The following NUP210L variants were observed in gnomAD, a reference collection of about 807,000 sequenced individuals.
NUP210L encodes the protein nucleoporin 210 like.
A neutral mutation model predicts 208.5 loss-of-function variants in NUP210L; 74 were observed. The observed-to-expected ratio is 0.35, with a 90% CI of 0.29 to 0.43. NUP210L has a LOEUF of 0.43. NUP210L is among the 20% of genes least tolerant of loss of function. NUP210L has a pLI of 1.00. For synonymous variants in NUP210L, 780 were observed against 816.9 expected, an observed-to-expected ratio of 0.95 and a Z score of 0.77; for missense variants, 1,843 against 2,289.4, an observed-to-expected ratio of 0.81 and a Z score of 3.98.
chr1:154,022,349 A>C lies in NUP210L; in HGVS notation c.4299-6T>G, dbSNP rs754016883. On this transcript the variant is annotated splice_region_variant and splice_polypyrimidine_tract_variant and intron_variant, in intron 31 of 39. Transcript: ENST00000368559. ...CAATATGCAGCAAGTCATCTCTGCAAGTAGACATTAAAGGTAGAAATCTTT... is the reference window on the plus strand; with the variant it reads ...CAATATGCAGCAAGTCATCTCTGCACGTAGACATTAAAGGTAGAAATCTTT... 2 of 1,606,156 alleles carry C rather than the reference A, an allele frequency of 1.2e-6. No individual in the cohort carries two copies. The highest frequency in any genetic ancestry group is 2.2e-5 in the South Asian group (2 of 90,906).
At chr1:154,135,594 A>T (rs1369809480) in intron 7 of NUP210L, among the ~76,000 whole-genome samples, 1 of 151,712 alleles carries the variant, frequency 6.6e-6, no homozygotes, top group Non-Finnish European at 1.5e-5. Context: ...GCTAATTTTT[A>T]GTATTTTTAG....
intron 20 of NUP210L, among the ~76,000 whole-genome samples, chr1:154,058,931 A>C (rs1176185529): frequency 6.6e-6 from 1 of 152,210 alleles, no homozygotes; most frequent in African/African-American, 2.4e-5. Flanking sequence ...GCTCACGCCT[A>C]TAATCCCAGC....
chr1:154,125,740 AGGG>A (rs1657907632), intron 10 of NUP210L, among the ~76,000 whole-genome samples: 6 of 13,402 alleles, frequency 4.5e-4, no homozygotes, highest in African/African-American at 9.7e-4. Flanking sequence ...GAAGGAAGGG[AGGG>A]AGGGAAATGT....
At chr1:154,129,531 G>A (rs1322006549) in intron 7 of NUP210L, among the ~76,000 whole-genome samples, 186 bp from the exon 8 acceptor site, 1 of 152,172 alleles carries the variant, frequency 6.6e-6, no homozygotes, top group African/African-American at 2.4e-5. Flanking sequence ...GGGACTCTTA[G>A]TCATCTTATG....
intron 13 of NUP210L, among the ~76,000 whole-genome samples, chr1:154,101,573 T>C (rs1656471866): frequency 6.6e-6 from 1 of 152,178 alleles, no homozygotes; most frequent in Admixed American, 6.5e-5. Flanking sequence ...GAGAGACATA[T>C]ATAAGACAAC....
intron 27 of NUP210L, among the ~76,000 whole-genome samples, chr1:154,031,823 G>C (rs1200616038): frequency 6.6e-6 from 1 of 151,670 alleles, no homozygotes; most frequent in East Asian, 1.9e-4. Flanking sequence ...CAGGGCTCAA[G>C]TGTTTCTCCT....
At position 154,126,481 on chromosome 1, in the gene NUP210L, A is replaced by G; in HGVS notation, c.1186-18T>C. On this transcript the variant is annotated intron_variant, in intron 9 of 39. Transcript: ENST00000368559. ...CTGAGATTCTGAAAATCAGCCCCACAGTAACACAAACCTGAAGATATGTTC... is the reference window on the plus strand; with the variant it reads ...CTGAGATTCTGAAAATCAGCCCCACGGTAACACAAACCTGAAGATATGTTC... The G allele has an allele frequency of 1.9e-6, 3 of 1,601,122 alleles. No individual in the cohort carries two copies. Among genetic ancestry groups the G allele is most frequent in the Non-Finnish European group, 1.7e-6 (2 of 1,174,560 alleles).
chr1:154,136,165 G>A (rs1005847171), intron 6 of NUP210L, among the ~76,000 whole-genome samples, 193 bp from the exon 7 acceptor site: 4 of 152,158 alleles, frequency 2.6e-5, no homozygotes, highest in Non-Finnish European at 5.9e-5. Context: ...AAAATATATT[G>A]CTGGAGGCTG....
intron 35 of NUP210L, among the ~76,000 whole-genome samples, chr1:154,006,967 T>TA (rs57242105): frequency 0.053 from 4,976 of 94,294 alleles, 217 homozygotes; most frequent in East Asian, 0.16. Context: ...TATATATATA[T>TA]TTTTTTTTTT....
chr1:154,013,553 G>A (rs373758816), intron 33 of NUP210L, among the ~76,000 whole-genome samples: 3 of 151,750 alleles, frequency 2.0e-5, no homozygotes, highest in Non-Finnish European at 1.5e-5. Context: ...CAGCCTGGGC[G>A]ACAGAGTGAG....
At chr1:154,052,668 C>T (rs1160509208) in intron 25 of NUP210L, among the ~76,000 whole-genome samples, 1 of 152,230 alleles carries the variant, frequency 6.6e-6, no homozygotes, top group South Asian at 2.1e-4. Flanking sequence ...CACATGCTTT[C>T]TGATCTCAGT....
exon 40 of NUP210L, chr1:153,992,808 G>A (rs950688337): frequency 1.7e-5 from 26 of 1,486,718 alleles, no homozygotes; most frequent in Non-Finnish European, 2.4e-5. Context: ...TTCCCCTGCA[G>A]TTAAGAGAAA....
chr1:153,996,773 C>A (rs986529108), intron 37 of NUP210L, among the ~76,000 whole-genome samples: 1 of 151,890 alleles, frequency 6.6e-6, no homozygotes, highest in Admixed American at 6.6e-5. Flanking sequence ...GTACCTTTGT[C>A]CTACTCAGGA....
intron 12 of NUP210L, chr1:154,104,658 T>C (rs996216315): frequency 3.3e-5 from 5 of 152,658 alleles, no homozygotes; most frequent in African/African-American, 1.2e-4. Flanking sequence ...TCAGTGCCTG[T>C]GGAAGGAGCA....
intron 27 of NUP210L, among the ~76,000 whole-genome samples, chr1:154,030,990 C>A (rs1051054774): frequency 1.3e-5 from 2 of 152,208 alleles, no homozygotes; most frequent in African/African-American, 4.8e-5. Flanking sequence ...TCAAGTGATC[C>A]TCCTGCCTCA....
chr1:154,071,739 G>A (rs140618754), intron 16 of NUP210L, among the ~76,000 whole-genome samples: 2,663 of 147,446 alleles, frequency 0.018, 30 homozygotes, highest in Non-Finnish European at 0.027. Context: ...GGGTTCAAGC[G>A]ATTCCCCTGC....
At chr1:154,037,282 T>A (rs1652609109) in intron 27 of NUP210L, among the ~76,000 whole-genome samples, 1 of 152,168 alleles carries the variant, frequency 6.6e-6, no homozygotes, top group Non-Finnish European at 1.5e-5. Context: ...GAAAGTGGGT[T>A]ATTGAAGTCT....
intron 8 of NUP210L, among the ~76,000 whole-genome samples, chr1:154,127,842 A>C (rs976990178): frequency 6.6e-6 from 1 of 150,968 alleles, no homozygotes; most frequent in African/African-American, 2.4e-5. Context: ...GGCCTGAGCC[A>C]CTGTGCCTGG....
At chr1:154,005,150 C>T (rs1338090844) in intron 35 of NUP210L, among the ~76,000 whole-genome samples, 1 of 151,298 alleles carries the variant, frequency 6.6e-6, no homozygotes, top group Admixed American at 6.6e-5. Flanking sequence ...CGTGCCCGGC[C>T]TCCTCTTTTC....
Sources: allele counts gnomAD v4.1 joint callset (sites outside exome capture counted in the v4.1 genomes callset), GRCh38; gene constraint gnomAD v4.1.1; transcripts MANE v1.5; gene names NCBI Gene and HGNC (gene_info 2026-07-23, HGNC 2026-07-21).